SUPT3H: variants seen among roughly 807,000 people sequenced by gnomAD.
SUPT3H encodes transcription initiation protein SPT3 homolog.
A neutral mutation model predicts 44.3 loss-of-function variants in SUPT3H; 44 were observed. The ratio of observed to expected loss-of-function variants is 0.99; its 90% CI spans 0.78 to 1.28. The LOEUF (loss-of-function observed/expected upper bound fraction) is 1.28. SUPT3H is among the 50% of genes most tolerant of loss of function. The pLI is 0.00. For synonymous variants in SUPT3H, 124 were observed against 125.6 expected, an observed-to-expected ratio of 0.99 and a Z score of 0.09; for missense variants, 380 against 387.1, an observed-to-expected ratio of 0.98 and a Z score of 0.15.
intron 11 of SUPT3H, among the ~76,000 whole-genome samples, chr6:44,817,413 G>A (rs1466247756): frequency 1.3e-5 from 2 of 152,054 alleles, no homozygotes; most frequent in African/African-American, 4.8e-5. Flanking sequence ...CCATAAAATA[G>A]GGAAAAGGAC....
intron 2 of SUPT3H, among the ~76,000 whole-genome samples, chr6:45,255,502 G>A (rs977156289): frequency 2.1e-5 from 3 of 141,678 alleles, no homozygotes; most frequent in African/African-American, 7.9e-5. Flanking sequence ...GCTCAATGAA[G>A]CTTTGAATTC....
chr6:45,278,137 C>T (rs780603550), intron 2 of SUPT3H, among the ~76,000 whole-genome samples: 6 of 27,132 alleles, frequency 2.2e-4, no homozygotes, highest in East Asian at 8.1e-4. Flanking sequence ...TGGGTGGGGT[C>T]GGGGGAGGGT....
At chr6:44,941,298 C>G (rs1772386034) in intron 9 of SUPT3H, among the ~76,000 whole-genome samples, 1 of 152,002 alleles carries the variant, frequency 6.6e-6, no homozygotes, top group Admixed American at 6.6e-5. Flanking sequence ...TTTAGGACTC[C>G]TTTGAGCATT....
intron 6 of SUPT3H, among the ~76,000 whole-genome samples, chr6:44,976,304 C>T (rs1308922128): frequency 2.0e-5 from 3 of 151,724 alleles, no homozygotes; most frequent in Non-Finnish European, 2.9e-5. Flanking sequence ...ATGTAGTAAA[C>T]GTAAATTCCT....
intron 11 of SUPT3H, among the ~76,000 whole-genome samples, chr6:44,820,636 A>T (rs1306996537): frequency 6.6e-6 from 1 of 152,264 alleles, no homozygotes; most frequent in Non-Finnish European, 1.5e-5. Context: ...GTGCTGGGAT[A>T]TAGCAGTAGG....
chr6:44,869,603 C>T (rs1199541496), intron 10 of SUPT3H, among the ~76,000 whole-genome samples: 1 of 152,182 alleles, frequency 6.6e-6, no homozygotes, highest in Non-Finnish European at 1.5e-5. Flanking sequence ...TACCTACCTA[C>T]CTAAATGCAA....
chr6:45,308,582 G>C (rs774061837), intron 2 of SUPT3H, among the ~76,000 whole-genome samples: 6 of 152,142 alleles, frequency 3.9e-5, no homozygotes, highest in Non-Finnish European at 7.3e-5. Context: ...CCCTACAAGA[G>C]CTCCTGTCCT....
At chr6:45,281,496 A>T (rs996073402) in intron 2 of SUPT3H, among the ~76,000 whole-genome samples, 1 of 152,184 alleles carries the variant, frequency 6.6e-6, no homozygotes, top group Non-Finnish European at 1.5e-5. Context: ...GCTCATTGCT[A>T]GCACAGCAGT....
At chr6:45,039,578 G>A (rs1034197113) in intron 3 of SUPT3H, among the ~76,000 whole-genome samples, 10 of 151,978 alleles carry the variant, frequency 6.6e-5, no homozygotes, top group African/African-American at 9.7e-5. Context: ...TCAAGAGTTC[G>A]AGACCAGCCA....
At chr6:44,991,236 G>A (rs1226897869) in intron 6 of SUPT3H, among the ~76,000 whole-genome samples, 1 of 152,036 alleles carries the variant, frequency 6.6e-6, no homozygotes, top group African/African-American at 2.4e-5. Flanking sequence ...GCTATTAATT[G>A]TGAGAGTAAA....
intron 3 of SUPT3H, 45 bp from the exon 4 acceptor site, chr6:45,020,677 T>C (rs1214427039): frequency 7.2e-7 from 1 of 1,384,714 alleles, no homozygotes; most frequent in African/African-American, 1.4e-5. Flanking sequence ...TAACACAAAT[T>C]ATATATAGTA....
intron 2 of SUPT3H, among the ~76,000 whole-genome samples, chr6:45,264,520 C>T (rs1774939850): frequency 6.6e-6 from 1 of 152,056 alleles, no homozygotes; most frequent in Admixed American, 6.6e-5. Context: ...ATTAGCCAGG[C>T]ATGGTGGTGC....
At chr6:45,237,075 T>C (rs1225613019) in intron 2 of SUPT3H, among the ~76,000 whole-genome samples, 1 of 152,160 alleles carries the variant, frequency 6.6e-6, no homozygotes, top group African/African-American at 2.4e-5. Flanking sequence ...CTGTGCCATA[T>C]GTGGAAATGG....
At chr6:45,246,197 G>C (rs1448229158) in intron 2 of SUPT3H, among the ~76,000 whole-genome samples, 1 of 152,046 alleles carries the variant, frequency 6.6e-6, no homozygotes, top group Non-Finnish European at 1.5e-5. Flanking sequence ...ATATGATTTA[G>C]AAATATTTTC....
intron 10 of SUPT3H, among the ~76,000 whole-genome samples, chr6:44,870,178 G>A (rs1190774780): frequency 6.6e-6 from 1 of 152,140 alleles, no homozygotes; most frequent in African/African-American, 2.4e-5. Flanking sequence ...GTTATAAACA[G>A]CTTCTACCAA....
chr6:45,333,131 AAAG>A (rs1414072508), intron 2 of SUPT3H, among the ~76,000 whole-genome samples: 1 of 151,788 alleles, frequency 6.6e-6, no homozygotes. Context: ...CAAATCTTTA[AAAG>A]AAGTCTCACA....
intron 3 of SUPT3H, among the ~76,000 whole-genome samples, chr6:45,089,049 A>G (rs1313193552): frequency 1.3e-5 from 2 of 152,062 alleles, no homozygotes; most frequent in East Asian, 1.9e-4. Flanking sequence ...ACTTCAAAAT[A>G]TCATATGAAT....
At chr6:44,839,475 A>C (rs948469381) in intron 10 of SUPT3H, among the ~76,000 whole-genome samples, 1 of 150,832 alleles carries the variant, frequency 6.6e-6, no homozygotes, top group Non-Finnish European at 1.5e-5. Flanking sequence ...TCAGCTAATT[A>C]AAAAAATTTT....
intron 6 of SUPT3H, among the ~76,000 whole-genome samples, chr6:44,998,599 T>C (rs1781582907): frequency 6.6e-6 from 1 of 151,982 alleles, no homozygotes; most frequent in Non-Finnish European, 1.5e-5. Flanking sequence ...CATTCTAGAA[T>C]TAAATTTTTT....
Sources: gnomAD v4.1 joint callset for allele counts (sites outside exome capture counted in the v4.1 genomes callset) on GRCh38, gnomAD v4.1.1 for gene constraint, MANE v1.5 for transcripts, NCBI Gene and HGNC (gene_info 2026-07-23, HGNC 2026-07-21) for gene names.